TIPARP: variants seen among roughly 807,000 people sequenced by gnomAD.
The protein encoded by TIPARP is protein mono-ADP-ribosyltransferase TIPARP.
Under a neutral mutation model 56.5 loss-of-function variants are expected in TIPARP, and 12 were observed. The observed-to-expected ratio is 0.21, with a 90% confidence interval of 0.14 to 0.34. TIPARP has a LOEUF of 0.34. TIPARP is among the 10% of genes least tolerant of loss of function. The pLI is 1.00. For synonymous variants in TIPARP, 296 were observed against 265.7 expected (o/e 1.11, Z -1.11); for missense variants, 604 against 781.6 (o/e 0.77, Z 2.71).
rs763428665 is a variant in TIPARP, at chr3:156,677,943, G to T, written c.246G>T (p.Glu82Asp). The change falls in exon 2 of 6, where the codon GAG (glutamate) becomes GAT (aspartate). Residue 82 changes from glutamate to aspartate, a missense_variant. Transcript: ENST00000295924. The part of the protein sequence containing the change: ...VFRSRNQSTD[E>D]NSLHEPMMKK... The stretch of plus-strand genomic sequence containing the variant: ...GATCTAGGAACCAGAGTACAGATGA[G>T]AACAGCTTACATGAACCTATGATGA... The T allele has an allele frequency of 6.2e-7, 1 of 1,614,110 alleles. No homozygotes were observed. The highest frequency in any genetic ancestry group is 1.1e-5 in the South Asian group (1 of 91,082).
In TIPARP at chr3:156,705,842, T is replaced by G. The variant is rs746128440; in HGVS notation, c.*711T>G. 1 of 152,670 alleles carries G rather than the reference T, an allele frequency of 6.6e-6. No homozygotes were observed. Among genetic ancestry groups the G allele is most frequent in the Non-Finnish European group, 1.5e-5 (1 of 68,048 alleles). The allele number at this position is 152,670 out of a possible 1,614,324, so 9.5% of individuals were successfully genotyped here. ...AGTGATATGAAATGTGATTTTTGTG[T>G]TGTTAAACTTCAGCTTTGGAAAACT... On this transcript the variant is annotated 3_prime_UTR_variant, in exon 6 of 6. Coordinates refer to ENST00000295924, the MANE Select transcript of TIPARP (RefSeq NM_015508.5).
At chr3:156,690,184 A>G (rs1258876066) in intron 2 of TIPARP, among the ~76,000 whole-genome samples, 2 of 152,126 alleles carry the variant, frequency 1.3e-5, no homozygotes, top group East Asian at 3.9e-4. Context: ...CCCAAGAGCT[A>G]TTTATCTGAG....
chr3:156,686,299 C>G (rs1271972594), intron 2 of TIPARP, among the ~76,000 whole-genome samples: 1 of 152,168 alleles, frequency 6.6e-6, no homozygotes, highest in Admixed American at 6.5e-5. Flanking sequence ...ATCATAGAAA[C>G]TTGGCTTTGT....
rs1722990643 is a variant in TIPARP at position 156,706,683 on chromosome 3, T to G, written c.*1552T>G. The G allele has an allele frequency of 6.6e-6, 1 of 152,378 alleles. No individual in the cohort carries two copies. The highest frequency in any genetic ancestry group is 2.4e-5 in the African/African-American group (1 of 41,422). The allele number at this position is 152,378 out of a possible 1,614,324, so 9.4% of individuals were successfully genotyped here. On this transcript the variant is annotated 3_prime_UTR_variant, in exon 6 of 6. Transcript: ENST00000295924. ...GGTTTTATGAGACTTGTTCCTTTTT[T>G]TCTCCCTAAGGAAAAAGAAAGCTTT... is the stretch of plus-strand genomic sequence containing the variant.
chr3:156,685,492 T>C (rs1031700400), intron 2 of TIPARP, among the ~76,000 whole-genome samples: 9 of 152,246 alleles, frequency 5.9e-5, no homozygotes, highest in Non-Finnish European at 1.2e-4. Context: ...CTCCCATGAC[T>C]AAGTTGTCTG....
chr3:156,704,626 C>A, intron 5 of TIPARP, 58 bp from the exon 6 acceptor site: 1 of 1,524,362 alleles, frequency 6.6e-7, no homozygotes, highest in Non-Finnish European at 8.9e-7. Flanking sequence ...CTACATCATG[C>A]CTGTTAAATT....
chr3:156,676,147 G>A (rs1449078926), intron 1 of TIPARP, among the ~76,000 whole-genome samples: 1 of 152,230 alleles, frequency 6.6e-6, no homozygotes, highest in Non-Finnish European at 1.5e-5. Context: ...TGCCAATTGT[G>A]CCTTGAGGCA....
chr3:156,681,240 A>C (rs1389109939), intron 2 of TIPARP: 20 of 456,260 alleles, frequency 4.4e-5, no homozygotes, highest in Non-Finnish European at 8.4e-5. Context: ...CTCTGTGGTC[A>C]GGCCTGTAAA....
At chr3:156,695,097 C>G (rs902019427) in intron 3 of TIPARP, among the ~76,000 whole-genome samples, 1 of 152,086 alleles carries the variant, frequency 6.6e-6, no homozygotes, top group African/African-American at 2.4e-5. Flanking sequence ...GAATACAAGG[C>G]TGTTTAAAAT....
Position 156,677,984 on chromosome 3 carries a change from T to G in TIPARP, c.287T>G (p.Ile96Ser). Residue 96 changes from isoleucine (I) to serine (S), a missense_variant, in exon 2 of 6, where the codon ATC becomes AGC. Physicochemically the swap from Ile to Ser is moderately radical, Grantham distance 142. Coordinates refer to ENST00000295924, the MANE Select transcript of TIPARP (RefSeq NM_015508.5). Reference sequence around the variant, plus strand: ...CCTATGATGAAGAAAGCCATGGAAATCAATTCATCATGCCCACCAGCAGAA... The same window carrying G: ...CCTATGATGAAGAAAGCCATGGAAAGCAATTCATCATGCCCACCAGCAGAA... ...HEPMMKKAME[I>S]NSSCPPAENN... 6.2e-7 allele frequency: 1 copy of G among 1,614,052 alleles called. No individual in the cohort carries two copies. Among genetic ancestry groups the G allele is most frequent in the Non-Finnish European group, 8.5e-7 (1 of 1,180,020 alleles).
chr3:156,678,295 C>G lies in TIPARP; in HGVS notation c.598C>G (p.Leu200Val). Reference protein sequence around the residue: ...QENSFTIQYILDTSDKLSTEL... With the variant: ...QENSFTIQYIVDTSDKLSTEL... ...AAACAGTTTTACAATCCAATACATT[C>G]TGGACACCAGTGATAAGCTGAGTAC... Residue 200 changes from leucine (L) to valine (V), a missense_variant, in exon 2 of 6, where the codon CTG (leucine) becomes GTG (valine). Around this residue, in one of 4 missense-constraint regions of TIPARP, gnomAD observed 261 missense variants for 279.2 expected, o/e 0.93. Transcript: ENST00000295924. The G allele has an allele frequency of 6.2e-7, 1 of 1,614,168 alleles. No homozygotes were observed. The highest frequency in any genetic ancestry group is 2.2e-5 in the East Asian group (1 of 44,894).
chr3:156,696,128 C>A, intron 4 of TIPARP, 103 bp downstream of exon 4: 2 of 1,302,966 alleles, frequency 1.5e-6, no homozygotes, highest in South Asian at 1.4e-5. Context: ...TTGGTTAGTA[C>A]TCCTAGAATG....
intron 2 of TIPARP, among the ~76,000 whole-genome samples, chr3:156,685,095 T>A (rs529684298): frequency 3.8e-4 from 58 of 152,328 alleles, no homozygotes; most frequent in African/African-American, 1.4e-3. Context: ...ATATAATCAA[T>A]TCTGTGATTA....
intron 4 of TIPARP, among the ~76,000 whole-genome samples, chr3:156,699,922 C>A (rs1722805313): frequency 6.6e-6 from 1 of 151,976 alleles, no homozygotes; most frequent in African/African-American, 2.4e-5. Flanking sequence ...TCCTATCTAC[C>A]CTAGAGTGTG....
At position 156,706,403 on chromosome 3, in the gene TIPARP, C is replaced by T. The variant is rs560420760; in HGVS notation, c.*1272C>T. 4 of 152,756 alleles carry T rather than the reference C, an allele frequency of 2.6e-5. No homozygotes were observed. The highest frequency in any genetic ancestry group is 2.1e-4 in the South Asian group (1 of 4,818). The allele number at this position is 152,756 out of a possible 1,614,324, so 9.5% of individuals were successfully genotyped here. On this transcript the variant is annotated 3_prime_UTR_variant, in exon 6 of 6. Coordinates refer to ENST00000295924, the MANE Select transcript of TIPARP (RefSeq NM_015508.5). ...AATGTTTGTGGTTATATCATTTACA[C>T]AAAACTTTTCAGGAACTTCTGTGTT...
chr3:156,703,961 C>T (rs1325633957), intron 5 of TIPARP, among the ~76,000 whole-genome samples: 4 of 142,880 alleles, frequency 2.8e-5, no homozygotes, highest in East Asian at 2.0e-4. Context: ...TGCAGTGAGC[C>T]GAGATTGCGC....
At chr3:156,685,768 A>G (rs553030844) in intron 2 of TIPARP, among the ~76,000 whole-genome samples, 16 of 152,386 alleles carry the variant, frequency 1.0e-4, no homozygotes, top group African/African-American at 3.8e-4. Flanking sequence ...TCTTTGGTCT[A>G]AATTTTCACT....
intron 2 of TIPARP, among the ~76,000 whole-genome samples, chr3:156,682,272 A>G (rs1233876448): frequency 6.6e-6 from 1 of 152,204 alleles, no homozygotes; most frequent in Non-Finnish European, 1.5e-5. Context: ...AGTGGAGGTG[A>G]AGAGGAAGAG....
chr3:156,699,035 T>C lies in TIPARP; in HGVS notation c.1247+3010T>C, dbSNP rs148674365. ...GTGGCAATAGCAAGAGAGGTAGAAG[T>C]AGAAGTGTAGCCTGAAGATGTGACT... On this transcript the variant is annotated intron_variant, in intron 4 of 5. Coordinates refer to ENST00000295924, the MANE Select transcript of TIPARP (RefSeq NM_015508.5). Among the ~76,000 whole-genome samples the C allele has an allele frequency of 3.2e-4, 48 of 152,316 alleles. 1 individual carries two copies. The highest frequency in any genetic ancestry group is 1.1e-3 in the African/African-American group (46 of 41,572).
Sources: allele counts gnomAD v4.1 joint callset (sites outside exome capture counted in the v4.1 genomes callset), GRCh38; gene constraint gnomAD v4.1.1; regional missense constraint gnomAD v4.1.1; transcripts MANE v1.5; gene names NCBI Gene and HGNC (gene_info 2026-07-23, HGNC 2026-07-21).